Variants in TMCC3 observed in about 807,000 individuals in gnomAD.
TMCC3 encodes transmembrane and coiled-coil domain family 3, also known as transmembrane and coiled-coil domain protein 3.
Under a neutral mutation model 40.2 loss-of-function variants are expected in TMCC3, and 28 were observed. The observed-to-expected ratio is 0.70, with a 90% CI of 0.52 to 0.95. The LOEUF (loss-of-function observed/expected upper bound fraction) is 0.95, where lower values mean the gene tolerates loss of function less well. Ranked by LOEUF, TMCC3 falls within the 40% of genes least tolerant of loss-of-function variation. TMCC3 has a pLI of 0.00. For synonymous variants in TMCC3, 255 were observed against 248.5 expected (o/e 1.03, Z -0.25); for missense variants, 554 against 615.2 (o/e 0.90, Z 1.05).
intron 1 of TMCC3, among the ~76,000 whole-genome samples, chr12:94,604,642 CAAA>C (rs62951060): frequency 1.7e-5 from 2 of 116,052 alleles, no homozygotes; most frequent in African/African-American, 3.4e-5. Context: ...CCATCTCTAC[CAAA>C]AAAAAAAAAA....
At chr12:94,593,458 A>G (rs1203953944) in intron 1 of TMCC3, among the ~76,000 whole-genome samples, 2 of 140,076 alleles carry the variant, frequency 1.4e-5, no homozygotes, top group African/African-American at 5.3e-5. Context: ...GAAGGAGAAG[A>G]AGAAGAAGAA....
chr12:94,582,399 TGCTTCAG>T lies in TMCC3; in HGVS notation c.211_217del (p.Leu71LysfsTer4). ...CTGCTCTGTTACCTTTAGAATTTTTTGCTTCAGGCTGTCTGCAGTGAGTTTGACCTTG... is the reference window on the plus strand; with the variant it reads ...CTGCTCTGTTACCTTTAGAATTTTTTGCTGTCTGCAGTGAGTTTGACCTTG... On this transcript the variant is annotated frameshift_variant, in exon 2 of 4. Coordinates refer to ENST00000261226, the MANE Select transcript of TMCC3 (RefSeq NM_020698.4). LOFTEE classifies it high-confidence loss of function. 6.2e-7 allele frequency: 1 copy of T among 1,614,034 alleles called. No individual in the cohort carries two copies.
At chr12:94,613,689 C>T (rs1441412315) in intron 1 of TMCC3, 1 of 152,086 alleles carries the variant, frequency 6.6e-6, no homozygotes, top group Non-Finnish European at 1.5e-5. Flanking sequence ...GGGAAGGTCA[C>T]AGGGTCAAGT....
chr12:94,593,393 A>G (rs1275350034), intron 1 of TMCC3, among the ~76,000 whole-genome samples: 1 of 28,418 alleles, frequency 3.5e-5, no homozygotes, highest in African/African-American at 1.3e-4. Context: ...GAAAGAAGAA[A>G]GAAGAAAGAA....
At chr12:94,573,639 C>G (rs1176219196) in intron 3 of TMCC3, among the ~76,000 whole-genome samples, 1 of 152,146 alleles carries the variant, frequency 6.6e-6, no homozygotes, top group Non-Finnish European at 1.5e-5. Context: ...GGTGCAATGG[C>G]ACAGTCAGAG....
At chr12:94,601,278 G>A (rs1036152118) in intron 1 of TMCC3, among the ~76,000 whole-genome samples, 51 of 152,206 alleles carry the variant, frequency 3.4e-4, no homozygotes, top group Admixed American at 3.3e-3. Flanking sequence ...ACTTTGGGAG[G>A]CTGAGGCGGG....
chr12:94,639,279 T>C (rs2068976444), intron 1 of TMCC3, among the ~76,000 whole-genome samples: 1 of 152,190 alleles, frequency 6.6e-6, no homozygotes, highest in African/African-American at 2.4e-5. Context: ...ATCATTTATA[T>C]TGAATTAAAT....
At chr12:94,642,407 GC>G (rs1344197752) in intron 1 of TMCC3, among the ~76,000 whole-genome samples, 4 of 152,182 alleles carry the variant, frequency 2.6e-5, no homozygotes, top group Non-Finnish European at 5.9e-5. Context: ...ATTCAGTCAA[GC>G]CAGGGTTCCA....
chr12:94,576,280 C>T (rs1290010119), intron 3 of TMCC3, among the ~76,000 whole-genome samples: 1 of 152,222 alleles, frequency 6.6e-6, no homozygotes, highest in Non-Finnish European at 1.5e-5. Flanking sequence ...AGCACAGGCT[C>T]AGCCCTCAGC....
chr12:94,580,134 G>A (rs970928107), intron 2 of TMCC3, among the ~76,000 whole-genome samples: 2 of 152,130 alleles, frequency 1.3e-5, no homozygotes, highest in East Asian at 3.8e-4. Flanking sequence ...GTTATAGTAT[G>A]TAATAGGCAT....
intron 1 of TMCC3, among the ~76,000 whole-genome samples, chr12:94,614,631 T>G (rs1167858258): frequency 2.0e-5 from 3 of 152,224 alleles, no homozygotes; most frequent in Admixed American, 6.5e-5. Flanking sequence ...TTTTCCCTTT[T>G]ATTCCAATTG....
chr12:94,648,186 G>C (rs1346192664), intron 1 of TMCC3, among the ~76,000 whole-genome samples: 1 of 152,040 alleles, frequency 6.6e-6, no homozygotes, highest in African/African-American at 2.4e-5. Context: ...AACAATACAA[G>C]GCAGCAGGTA....
chr12:94,607,863 G>A (rs1323089568), intron 1 of TMCC3, among the ~76,000 whole-genome samples: 1 of 152,156 alleles, frequency 6.6e-6, no homozygotes, highest in Non-Finnish European at 1.5e-5. Flanking sequence ...ACATTATGAA[G>A]TCTCTCATTC....
At chr12:94,612,485 T>C (rs754907888) in intron 1 of TMCC3, among the ~76,000 whole-genome samples, 6 of 151,424 alleles carry the variant, frequency 4.0e-5, no homozygotes, top group Non-Finnish European at 7.4e-5. Context: ...TAATTTTTTG[T>C]ATTTTTGGTA....
chr12:94,578,175 G>GAAAGAAAAAAA (rs2068578280), intron 3 of TMCC3, among the ~76,000 whole-genome samples: 1 of 122,062 alleles, frequency 8.2e-6, no homozygotes, highest in Non-Finnish European at 1.7e-5. Context: ...AAAAGAAAAA[G>GAAAGAAAAAAA]AAAAAGAAAA....
At chr12:94,612,215 G>A (rs893177104) in intron 1 of TMCC3, among the ~76,000 whole-genome samples, 6 of 152,120 alleles carry the variant, frequency 3.9e-5, no homozygotes, top group African/African-American at 1.2e-4. Flanking sequence ...GACCAGGCTG[G>A]TCTCGAACTC....
At chr12:94,612,306 A>C (rs1464483637) in intron 1 of TMCC3, among the ~76,000 whole-genome samples, 1 of 149,962 alleles carries the variant, frequency 6.7e-6, no homozygotes, top group Non-Finnish European at 1.5e-5. Context: ...AATGGTTCTC[A>C]AGTTTATTTT....
chr12:94,583,711 C>T (rs2068621251), intron 1 of TMCC3, among the ~76,000 whole-genome samples: 1 of 152,186 alleles, frequency 6.6e-6, no homozygotes, highest in South Asian at 2.1e-4. Flanking sequence ...TCTCACTTCA[C>T]TACCATGCCA....
chr12:94,609,161 G>A (rs1336195819), intron 1 of TMCC3, among the ~76,000 whole-genome samples: 2 of 152,130 alleles, frequency 1.3e-5, no homozygotes, highest in African/African-American at 2.4e-5. Flanking sequence ...CCAGGAGTTC[G>A]AGGTTGCAGT....
Sources: allele counts gnomAD v4.1 joint callset (sites outside exome capture counted in the v4.1 genomes callset), GRCh38; gene constraint gnomAD v4.1.1; transcripts MANE v1.5; gene names NCBI Gene and HGNC (gene_info 2026-07-23, HGNC 2026-07-21).